MAP2K4: variants seen among roughly 807,000 people sequenced by gnomAD.
MAP2K4 encodes mitogen-activated protein kinase kinase 4.
MAP2K4 carries 4 observed loss-of-function variants against 48.5 expected under a neutral mutation model. The observed-to-expected ratio is 0.08, with a 90% CI of 0.04 to 0.19. MAP2K4 has a LOEUF of 0.19. Among genes scored for constraint, MAP2K4 ranks in the 10% least tolerant of loss-of-function variants. The probability of loss-of-function intolerance (pLI) is 1.00; values close to 1 mark genes in which losing one functional copy is unlikely to be tolerated. For missense variants in MAP2K4, 258 were observed against 493.3 expected (o/e 0.52, Z 4.52); for synonymous variants, 166 against 173.1 (o/e 0.96, Z 0.32).
chr17:12,107,948 G>C (rs2151573378), intron 5 of MAP2K4, 39 bp downstream of exon 5: 1 of 1,480,654 alleles, frequency 6.8e-7, no homozygotes, highest in South Asian at 1.4e-5. Flanking sequence ...TGTGTATATA[G>C]TTATATAGAG....
In MAP2K4 at chr17:12,141,508, A is replaced by G. The variant is rs1973377455; in HGVS notation, c.*248A>G. ...CTGCTCTTTTGTGATGAACATATTC[A>G]TGAAATGTGGAAGTCAGTACGATCA... On this transcript the variant is annotated 3_prime_UTR_variant, in exon 11 of 11. Transcript: ENST00000353533. The G allele has an allele frequency of 4.0e-6, 2 of 498,690 alleles. No individual in the cohort carries two copies. Among genetic ancestry groups the G allele is most frequent in the Admixed American group, 7.0e-5 (2 of 28,682 alleles). 30.9% of individuals were successfully genotyped at this position (498,690 alleles called of 1,614,324 possible). A position where few individuals can be genotyped will look rare whatever the true frequency, so the allele number is the denominator to read the frequency against.
At chr17:12,120,455 G>T (rs1282728349) in intron 7 of MAP2K4, among the ~76,000 whole-genome samples, 1 of 151,570 alleles carries the variant, frequency 6.6e-6, no homozygotes, top group Non-Finnish European at 1.5e-5. Context: ...GCAAGATTCT[G>T]TCTCAAAAAA....
rs182456174 is a variant in MAP2K4 at position 12,070,931 on chromosome 17, C to A, written c.219-10425C>A. ...ATTTATTCTCTCACAGTTCTAGAGG[C>A]CAGAAATCTGAAGGTGTTGGCAGGG... On this transcript the variant is annotated intron_variant, in intron 2 of 10. Transcript: ENST00000353533. Among the ~76,000 whole-genome samples, 52 of 152,324 alleles carry A rather than the reference C, an allele frequency of 3.4e-4. 1 individual carries two copies. In the East Asian group the frequency reaches 9.8e-3, roughly 29 times the overall value.
rs1383888262 is a variant in MAP2K4 at position 12,113,288 on chromosome 17, C to T, written c.741C>T (p.Asp247=). ...LDRSGNIKLC[D]FGISGQLVDS... ...GAAGTGGAAATATTAAGCTCTGTGA[C>T]TTCGGCATCAGTGGACAGCTTGTGG... is the stretch of plus-strand genomic sequence containing the variant. Residue 247 remains aspartate (D), a synonymous_variant, in exon 7 of 11, where the codon GAC becomes GAT. Coordinates refer to ENST00000353533, the MANE Select transcript of MAP2K4 (RefSeq NM_003010.4). 1 of 1,613,686 alleles carries T rather than the reference C, an allele frequency of 6.2e-7. No individual in the cohort carries two copies. The highest frequency in any genetic ancestry group is 1.3e-5 in the African/African-American group (1 of 74,914).
chr17:12,120,067 G>A (rs747607161), intron 7 of MAP2K4, among the ~76,000 whole-genome samples: 4 of 152,162 alleles, frequency 2.6e-5, no homozygotes, highest in Non-Finnish European at 5.9e-5. Context: ...CTTAGTAACT[G>A]GGTGACCAAA....
At chr17:12,040,412 G>A (rs1969740876) in intron 1 of MAP2K4, among the ~76,000 whole-genome samples, 1 of 152,102 alleles carries the variant, frequency 6.6e-6, no homozygotes. Context: ...ACATTTATTG[G>A]GATGCTCTGT....
intron 2 of MAP2K4, among the ~76,000 whole-genome samples, chr17:12,062,609 A>G (rs1281319001): frequency 1.3e-5 from 2 of 152,226 alleles, no homozygotes; most frequent in Non-Finnish European, 2.9e-5. Context: ...AATTACAGGC[A>G]TGAACCACTG....
intron 3 of MAP2K4, among the ~76,000 whole-genome samples, chr17:12,085,308 T>G (rs1971324125): frequency 6.6e-6 from 1 of 152,096 alleles, no homozygotes; most frequent in South Asian, 2.1e-4. Flanking sequence ...AGCTGTCATC[T>G]CATTGAAGAA....
At chr17:12,093,154 G>T (rs1330793591) in intron 3 of MAP2K4, among the ~76,000 whole-genome samples, 1 of 151,488 alleles carries the variant, frequency 6.6e-6, no homozygotes, top group African/African-American at 2.4e-5. Context: ...TTGATCTCTT[G>T]AAAAGCACAA....
intron 1 of MAP2K4, among the ~76,000 whole-genome samples, chr17:12,035,054 A>G (rs1969551068): frequency 6.6e-6 from 1 of 152,196 alleles, no homozygotes; most frequent in Non-Finnish European, 1.5e-5. Context: ...ATATTTTAGT[A>G]TAAGTTCTCA....
intron 2 of MAP2K4, among the ~76,000 whole-genome samples, chr17:12,058,630 A>G (rs968335248): frequency 1.3e-5 from 2 of 152,234 alleles, no homozygotes; most frequent in South Asian, 4.1e-4. Context: ...TAACAGCTTC[A>G]ACAGTTAATA....
At chr17:12,059,707 T>C (rs1970391329) in intron 2 of MAP2K4, among the ~76,000 whole-genome samples, 1 of 152,208 alleles carries the variant, frequency 6.6e-6, no homozygotes, top group Non-Finnish European at 1.5e-5. Context: ...AGAGACTCAG[T>C]TGTGCTATAG....
intron 2 of MAP2K4, among the ~76,000 whole-genome samples, chr17:12,076,065 A>T (rs1379279623): frequency 1.3e-5 from 2 of 152,126 alleles, no homozygotes; most frequent in African/African-American, 4.8e-5. Flanking sequence ...TTGCACAGCA[A>T]ACACACTGCA....
At chr17:12,125,014 T>C in intron 7 of MAP2K4, 1 of 391,146 alleles carries the variant, frequency 2.6e-6, no homozygotes, top group Non-Finnish European at 4.8e-6. Context: ...TCTTCCTTTG[T>C]CTCCCTCTTC....
intron 7 of MAP2K4, among the ~76,000 whole-genome samples, chr17:12,118,891 AG>A (rs1342680937): frequency 6.6e-6 from 1 of 152,236 alleles, no homozygotes; most frequent in Non-Finnish European, 1.5e-5. Context: ...ATGATGAACA[AG>A]GTAGTGACTT....
chr17:12,090,241 TG>T (rs1222512558), intron 3 of MAP2K4, among the ~76,000 whole-genome samples: 1 of 152,136 alleles, frequency 6.6e-6, no homozygotes, highest in Non-Finnish European at 1.5e-5. Flanking sequence ...GAAGGAAAAC[TG>T]GGTTATTTGG....
chr17:12,141,058 TG>T, intron 10 of MAP2K4, 88 bp from the exon 11 acceptor site: 1 of 772,396 alleles, frequency 1.3e-6, no homozygotes, highest in Admixed American at 1.9e-5. Flanking sequence ...GTTGGGAGCC[TG>T]GAGTTCTATG....
rs9903968 is a variant in MAP2K4 at position 12,049,660 on chromosome 17, A to G, written c.116-5229A>G. Among the ~76,000 whole-genome samples, 431 of 152,320 alleles carry G rather than the reference A, an allele frequency of 2.8e-3. 2 individuals carry two copies. The highest frequency in any genetic ancestry group is 6.5e-3 in the African/African-American group (272 of 41,570). On this transcript the variant is annotated intron_variant, in intron 1 of 10. Transcript: ENST00000353533. Reference sequence around the variant, plus strand: ...ACTCAGGGTAGCTTTCCAGGAGGGCAAAAGTGGAAGCTGCAAGGCCTCATA... The same window carrying G: ...ACTCAGGGTAGCTTTCCAGGAGGGCGAAAGTGGAAGCTGCAAGGCCTCATA...
At chr17:12,097,753 A>G (rs547161497) in intron 4 of MAP2K4, among the ~76,000 whole-genome samples, 1 of 152,374 alleles carries the variant, frequency 6.6e-6, no homozygotes, top group Admixed American at 6.5e-5. Flanking sequence ...AAAGTTACAC[A>G]GCCAACAAGT....
Sources: allele counts gnomAD v4.1 joint callset (sites outside exome capture counted in the v4.1 genomes callset), GRCh38; gene constraint gnomAD v4.1.1; transcripts MANE v1.5; gene names NCBI Gene and HGNC (gene_info 2026-07-23, HGNC 2026-07-21).